SLC22A16: variants seen among roughly 807,000 people sequenced by gnomAD.
The protein encoded by SLC22A16 is WUGSC:RG331P03.1.
Under a neutral mutation model 52.9 loss-of-function variants are expected in SLC22A16, and 53 were observed. The observed-to-expected ratio is 1.00, with a 90% CI of 0.80 to 1.26. The LOEUF (loss-of-function observed/expected upper bound fraction) is 1.26. Among genes scored for constraint, SLC22A16 ranks in the 50% most tolerant of loss-of-function variants. The pLI is 0.00. For synonymous variants in SLC22A16, 291 were observed against 268.8 expected (o/e 1.08, Z -0.81); for missense variants, 726 against 704.0 (o/e 1.03, Z -0.35).
chr6:110,463,162 A>C (rs1775945090), intron 1 of SLC22A16, among the ~76,000 whole-genome samples: 1 of 152,164 alleles, frequency 6.6e-6, no homozygotes. Flanking sequence ...TACTTGCCAC[A>C]GTAAAATCAC....
chr6:110,442,868 GA>G, intron 3 of SLC22A16, 93 bp from the exon 4 acceptor site: 1 of 1,145,406 alleles, frequency 8.7e-7, no homozygotes, highest in South Asian at 1.6e-5. Context: ...AGGCAAAAAA[GA>G]AAATGACAAA....
intron 2 of SLC22A16, chr6:110,453,511 A>G (rs1364863230): frequency 4.8e-6 from 2 of 414,144 alleles, no homozygotes; most frequent in Non-Finnish European, 9.6e-6. Flanking sequence ...TCAGAGACAA[A>G]GAACTTCATT....
chr6:110,439,761 C>T (rs1774891219), intron 4 of SLC22A16, among the ~76,000 whole-genome samples: 1 of 152,192 alleles, frequency 6.6e-6, no homozygotes. Flanking sequence ...TAATATTTCT[C>T]TCACGTTTTA....
At chr6:110,462,539 TG>T (rs1775921514) in intron 1 of SLC22A16, among the ~76,000 whole-genome samples, 1 of 152,110 alleles carries the variant, frequency 6.6e-6, no homozygotes, top group Non-Finnish European at 1.5e-5. Context: ...TTTCAGAGCT[TG>T]AAGACCAATC....
At chr6:110,434,292 T>C (rs910099793) in intron 6 of SLC22A16, among the ~76,000 whole-genome samples, 1 of 152,070 alleles carries the variant, frequency 6.6e-6, no homozygotes, top group Non-Finnish European at 1.5e-5. Context: ...CCCTTCCCTT[T>C]ATAGCTGGGG....
chr6:110,433,954 T>G (rs1385865989), intron 6 of SLC22A16, among the ~76,000 whole-genome samples: 1 of 152,124 alleles, frequency 6.6e-6, no homozygotes, highest in Non-Finnish European at 1.5e-5. Flanking sequence ...TCAAAAAGTC[T>G]GACGGGCCGG....
chr6:110,451,528 T>C (rs1562290439), intron 2 of SLC22A16, among the ~76,000 whole-genome samples: 1 of 152,258 alleles, frequency 6.6e-6, no homozygotes. Context: ...TATATGTCAC[T>C]GTCAATTCAA....
chr6:110,438,757 C>A lies in SLC22A16; in HGVS notation c.1274G>T (p.Ser425Ile). Reference protein sequence around the residue: ...RTVLAYSLFCSALACGVVMVI... With the variant: ...RTVLAYSLFCIALACGVVMVI... ...CATAACGACACCACAGGCCAGTGCACTGCAGAAAAGAGAGTAGGCCAGGAC... is the reference window on the plus strand; with the variant it reads ...CATAACGACACCACAGGCCAGTGCAATGCAGAAAAGAGAGTAGGCCAGGAC... Residue 425 changes from serine (S) to isoleucine (I), a missense_variant, in exon 5 of 8, where the codon AGT becomes ATT. Physicochemically the swap from Ser to Ile is moderately radical, Grantham distance 142. Transcript: ENST00000368919. 1 of 1,614,118 alleles carries A rather than the reference C, an allele frequency of 6.2e-7. No homozygotes were observed. Among genetic ancestry groups the A allele is most frequent in the African/African-American group, 1.3e-5 (1 of 75,048 alleles).
intron 1 of SLC22A16, among the ~76,000 whole-genome samples, chr6:110,461,187 G>T (rs770179154): frequency 2.6e-5 from 4 of 152,224 alleles, no homozygotes; most frequent in Non-Finnish European, 5.9e-5. Flanking sequence ...CTGCAACAGA[G>T]GACAGACAAG....
rs1774179634 is a variant in SLC22A16 at position 110,424,733 on chromosome 6, C to A, written c.*140G>T. 3 of 963,704 alleles carry A rather than the reference C, an allele frequency of 3.1e-6. No homozygotes were observed. The highest frequency in any genetic ancestry group is 4.5e-6 in the Non-Finnish European group (3 of 665,038). The allele number at this position is 963,704 out of a possible 1,614,324, so 59.7% of individuals were successfully genotyped here. A position where few individuals can be genotyped will look rare whatever the true frequency, so the allele number is the denominator to read the frequency against. Reference sequence around the variant, plus strand: ...ATCTTAGTTTTTATTTCTTTTATAACATATTTGCTTTAAAATTTTCTTACA... The same window carrying A: ...ATCTTAGTTTTTATTTCTTTTATAAAATATTTGCTTTAAAATTTTCTTACA... On this transcript the variant is annotated 3_prime_UTR_variant, in exon 8 of 8. Transcript: ENST00000368919.
At chr6:110,437,095 C>A (rs560392907) in intron 5 of SLC22A16, among the ~76,000 whole-genome samples, 26 of 152,176 alleles carry the variant, frequency 1.7e-4, no homozygotes, top group Non-Finnish European at 3.7e-4. Context: ...TATGTTAAGT[C>A]ACTGAGATTC....
chr6:110,425,266 T>C (rs1774210811), intron 7 of SLC22A16, 181 bp from the exon 8 acceptor site: 4 of 1,512,582 alleles, frequency 2.6e-6, no homozygotes, highest in Non-Finnish European at 2.7e-6. Flanking sequence ...CTTTTCCTCA[T>C]CAACGAGGTT....
chr6:110,455,110 A>C (rs1303267721), intron 2 of SLC22A16, among the ~76,000 whole-genome samples: 4 of 144,626 alleles, frequency 2.8e-5, no homozygotes, highest in Non-Finnish European at 6.0e-5. Flanking sequence ...GTAAGTGTTC[A>C]ATATATGTCT....
At position 110,442,676 on chromosome 6, in the gene SLC22A16, CA is replaced by C. The variant is rs775791770; in HGVS notation, c.750del (p.Phe250LeufsTer10). On this transcript the variant is annotated frameshift_variant, in exon 4 of 8. Transcript: ENST00000368919. LOFTEE classifies it high-confidence loss of function. ...TWASVHLHSF[F>X]AVGTLLVALT... The stretch of plus-strand genomic sequence containing the variant: ...AAAGCCACCAGCAGGGTTCCAACTG[CA>C]AAAAAGGAATGCAAATGGACAGACG... 1.9e-6 allele frequency: 3 copies of C among 1,613,778 alleles called. No individual in the cohort carries two copies. Among genetic ancestry groups the C allele is most frequent in the Non-Finnish European group, 2.5e-6 (3 of 1,179,944 alleles).
intron 1 of SLC22A16, among the ~76,000 whole-genome samples, chr6:110,472,355 A>C (rs1376909775): frequency 1.3e-5 from 2 of 152,014 alleles, no homozygotes; most frequent in Non-Finnish European, 2.9e-5. Flanking sequence ...CTAGGTCTTC[A>C]CTGGCCCCCT....
intron 4 of SLC22A16, 128 bp downstream of exon 4, chr6:110,442,115 AT>A: frequency 1.2e-6 from 1 of 816,564 alleles, no homozygotes; most frequent in Non-Finnish European, 1.9e-6. Flanking sequence ...GGTTGGCAGT[AT>A]TGTTCCTGGT....
chr6:110,443,995 A>G (rs9487408), intron 3 of SLC22A16, among the ~76,000 whole-genome samples: 54,582 of 152,048 alleles, frequency 0.36, 10,851 homozygotes, highest in African/African-American at 0.54. Flanking sequence ...TTCAATGGAC[A>G]GAGTTTCAGT....
intron 4 of SLC22A16, among the ~76,000 whole-genome samples, chr6:110,439,070 C>T (rs1001859022): frequency 3.3e-5 from 5 of 152,294 alleles, no homozygotes; most frequent in Middle Eastern, 3.4e-3. Flanking sequence ...GCTCATAATC[C>T]GCCTGGCACC....
At chr6:110,465,569 A>T (rs1483749298) in intron 1 of SLC22A16, among the ~76,000 whole-genome samples, 1 of 152,152 alleles carries the variant, frequency 6.6e-6, no homozygotes, top group Admixed American at 6.5e-5. Context: ...AATACCTAGG[A>T]ATACACTTAA....
Sources: gnomAD v4.1 joint callset for allele counts (sites outside exome capture counted in the v4.1 genomes callset) on GRCh38, gnomAD v4.1.1 for gene constraint, MANE v1.5 for transcripts, NCBI Gene and HGNC (gene_info 2026-07-23, HGNC 2026-07-21) for gene names.